USH2A: variants seen among roughly 807,000 people sequenced by gnomAD.
USH2A encodes the protein Usher syndrome 2A (autosomal recessive, mild).
USH2A carries 443 observed loss-of-function variants against 538.9 expected under a neutral mutation model. The ratio of observed to expected loss-of-function variants is 0.82; its 90% CI spans 0.76 to 0.89. The LOEUF (loss-of-function observed/expected upper bound fraction) is 0.89. Ranked by LOEUF, USH2A falls within the 40% of genes least tolerant of loss-of-function variation. The probability of loss-of-function intolerance (pLI) is 0.00; values close to 1 mark genes in which losing one functional copy is unlikely to be tolerated. For missense variants in USH2A, 6,633 were observed against 6,324.8 expected, an observed-to-expected ratio of 1.05 and a Z score of -1.65; for synonymous variants, 2,413 against 2,273.5, an observed-to-expected ratio of 1.06 and a Z score of -1.75.
rs1302688115 is a variant in USH2A, at chr1:215,670,921, C to G, written c.14133+51G>C. The G allele has an allele frequency of 8.2e-6, 13 of 1,582,426 alleles. No homozygotes were observed. In the East Asian group the frequency reaches 2.9e-4, roughly 35 times the overall value. On this transcript the variant is annotated intron_variant, in intron 64 of 71. Transcript: ENST00000307340. The stretch of plus-strand genomic sequence containing the variant: ...TGTGCACCATTTTTACAGGCAGGTG[C>G]TGACGGGTGCAAACAATCAGCTCGA...
chr1:216,253,676 G>A (rs2036206723), intron 11 of USH2A, among the ~76,000 whole-genome samples: 1 of 152,108 alleles, frequency 6.6e-6, no homozygotes, highest in Admixed American at 6.5e-5. Context: ...TCTGGCTTCT[G>A]CCAGCACTGC....
At position 215,817,098 on chromosome 1, in the gene USH2A, G is replaced by C. The variant is rs772100045; in HGVS notation, c.9469C>G (p.Gln3157Glu). ...WKTWYPCAKTQKLVQDQSDEL... is the reference protein window; with the variant it reads ...WKTWYPCAKTEKLVQDQSDEL... Reference sequence around the variant, plus strand: ...TCACTCTGATCCTGCACTAACTTTTGAGTTTTAGCGCATGGATACCATGTT... The same window carrying C: ...TCACTCTGATCCTGCACTAACTTTTCAGTTTTAGCGCATGGATACCATGTT... The change falls in exon 48 of 72, where the codon CAA becomes GAA. Residue 3157 changes from glutamine to glutamate, a missense_variant. Physicochemically the swap from Gln to Glu is conservative, Grantham distance 29 (BLOSUM62 2). Transcript: ENST00000307340. The C allele has an allele frequency of 6.2e-7, 1 of 1,612,844 alleles. No homozygotes were observed. Among genetic ancestry groups the C allele is most frequent in the African/African-American group, 1.3e-5 (1 of 74,954 alleles).
chr1:215,789,032 T>G (rs1348963334), intron 51 of USH2A, among the ~76,000 whole-genome samples: 2 of 152,150 alleles, frequency 1.3e-5, no homozygotes, highest in African/African-American at 2.4e-5. Flanking sequence ...GCCAGCTATG[T>G]AAAAATCCCA....
At chr1:215,699,996 A>G (rs1658954124) in intron 61 of USH2A, among the ~76,000 whole-genome samples, 1 of 152,150 alleles carries the variant, frequency 6.6e-6, no homozygotes, top group African/African-American at 2.4e-5. Context: ...TGCCTAATTT[A>G]TTGAGTGGTT....
intron 49 of USH2A, among the ~76,000 whole-genome samples, chr1:215,801,657 G>C (rs745409088): frequency 5.0e-4 from 76 of 152,218 alleles, no homozygotes; most frequent in Non-Finnish European, 9.9e-4. Flanking sequence ...AACATCCCAT[G>C]TTTATGGACT....
At chr1:216,125,373 T>C (rs963269916) in intron 21 of USH2A, among the ~76,000 whole-genome samples, 2 of 152,202 alleles carry the variant, frequency 1.3e-5, no homozygotes, top group African/African-American at 2.4e-5. Flanking sequence ...CCTCTCGTGC[T>C]ATAAGGCTCC....
Position 216,418,763 on chromosome 1 carries a change from T to TAA in USH2A, c.486-86_486-85dup. The TAA allele has an allele frequency of 2.0e-6, 3 of 1,480,300 alleles. No individual in the cohort carries two copies. The Admixed American group carries it at 5.1e-5, about 25-fold the overall frequency. 91.7% of individuals were successfully genotyped at this position (1,480,300 alleles called of 1,614,324 possible). On this transcript the variant is annotated intron_variant, in intron 2 of 71. Coordinates refer to ENST00000307340, the MANE Select transcript of USH2A (RefSeq NM_206933.4). Reference sequence around the variant, plus strand: ...AGGTATTGTGCAGTTACAGTGGTGTTAAAATGACCTCAAACTTTGCTCAAA... The same window carrying TAA: ...AGGTATTGTGCAGTTACAGTGGTGTTAAAAAATGACCTCAAACTTTGCTCAAA...
chr1:216,303,436 GTA>G (rs2037251687), intron 9 of USH2A, among the ~76,000 whole-genome samples: 1 of 151,818 alleles, frequency 6.6e-6, no homozygotes, highest in Non-Finnish European at 1.5e-5. Context: ...ATACTAAGAA[GTA>G]TAAGGCGTTA....
intron 16 of USH2A, among the ~76,000 whole-genome samples, chr1:216,201,261 T>C (rs957842831): frequency 2.6e-5 from 4 of 151,348 alleles, no homozygotes; most frequent in Non-Finnish European, 5.9e-5. Flanking sequence ...ACACAAATCT[T>C]TGGAGTGATA....
chr1:216,217,439 A>G lies in USH2A; in HGVS notation c.3105T>C (p.Cys1035=). ...CATCCAAGTGGCTTGCACTGGGAAC[A>G]CAAGCATCACACTTTGAGCCAGTGA... The part of the protein sequence containing the change: ...QFVTGSKCDA[C]VPSASHLDVN... The change falls in exon 15 of 72, where the codon TGT becomes TGC. Residue 1035 remains cysteine, a synonymous_variant. Coordinates refer to ENST00000307340, the MANE Select transcript of USH2A (RefSeq NM_206933.4). 1 of 1,613,320 alleles carries G rather than the reference A, an allele frequency of 6.2e-7. No individual in the cohort carries two copies. The highest frequency in any genetic ancestry group is 8.5e-7 in the Non-Finnish European group (1 of 1,179,512).
At chr1:216,406,319 C>T (rs2039393787) in intron 3 of USH2A, among the ~76,000 whole-genome samples, 1 of 152,094 alleles carries the variant, frequency 6.6e-6, no homozygotes, top group South Asian at 2.1e-4. Flanking sequence ...TATTATTTCT[C>T]ACAAGTGCCT....
At chr1:216,089,161 A>ACATT in intron 22 of USH2A, 22 bp from the exon 23 acceptor site, 1 of 1,607,458 alleles carries the variant, frequency 6.2e-7, no homozygotes, top group Non-Finnish European at 8.5e-7. Context: ...GAATGAATAA[A>ACATT]TAAATGTTTA....
At chr1:216,083,632 T>C in intron 25 of USH2A, 46 bp from the exon 26 acceptor site, 1 of 1,595,610 alleles carries the variant, frequency 6.3e-7, no homozygotes, top group Non-Finnish European at 8.6e-7. Flanking sequence ...TAACACAATA[T>C]TGCCAGCATT....
At chr1:215,773,400 TATATA>T (rs1661347498) in intron 55 of USH2A, among the ~76,000 whole-genome samples, 1 of 152,046 alleles carries the variant, frequency 6.6e-6, no homozygotes, top group Non-Finnish European at 1.5e-5. Flanking sequence ...CTGTGAGCCC[TATATA>T]AATCAGACAC....
chr1:215,780,548 T>A (rs926711000), intron 54 of USH2A, among the ~76,000 whole-genome samples: 2 of 152,350 alleles, frequency 1.3e-5, no homozygotes, highest in South Asian at 4.1e-4. Context: ...GACTTTATAG[T>A]GTCTGCACCA....
At chr1:216,344,983 G>T (rs1361574236) in intron 4 of USH2A, among the ~76,000 whole-genome samples, 1 of 151,572 alleles carries the variant, frequency 6.6e-6, no homozygotes, top group African/African-American at 2.4e-5. Flanking sequence ...TGTGGGACTT[G>T]GGGAGCTTTT....
intron 4 of USH2A, among the ~76,000 whole-genome samples, chr1:216,340,736 T>C (rs2038061348): frequency 6.6e-6 from 1 of 151,920 alleles, no homozygotes; most frequent in African/African-American, 2.4e-5. Context: ...ACAGAACCAA[T>C]GACAAAATCA....
chr1:216,089,194 C>T, intron 22 of USH2A, 55 bp from the exon 23 acceptor site: 2 of 1,549,312 alleles, frequency 1.3e-6, no homozygotes, highest in Non-Finnish European at 8.9e-7. Context: ...TACAAATAAA[C>T]ACACACATAT....
intron 42 of USH2A, among the ~76,000 whole-genome samples, chr1:215,878,490 T>A (rs1267812903): frequency 6.6e-6 from 1 of 152,152 alleles, no homozygotes; most frequent in African/African-American, 2.4e-5. Flanking sequence ...AATAAAAGCA[T>A]ATGTTGAAAA....
Sources: gnomAD v4.1 joint callset for allele counts (sites outside exome capture counted in the v4.1 genomes callset) on GRCh38, gnomAD v4.1.1 for gene constraint, MANE v1.5 for transcripts, NCBI Gene and HGNC (gene_info 2026-07-23, HGNC 2026-07-21) for gene names.